Variants in GALK2 observed in about 807,000 individuals in gnomAD.
GALK2 encodes galactokinase 2.
A neutral mutation model predicts 52.4 loss-of-function variants in GALK2; 36 were observed. The observed-to-expected ratio is 0.69, with a 90% CI of 0.53 to 0.91. The LOEUF (loss-of-function observed/expected upper bound fraction) is 0.91, where lower values mean the gene tolerates loss of function less well. Ranked by LOEUF, GALK2 falls within the 40% of genes least tolerant of loss-of-function variation. The probability of loss-of-function intolerance (pLI) is 0.00; values close to 1 mark genes in which losing one functional copy is unlikely to be tolerated. For synonymous variants in GALK2, 176 were observed against 199.1 expected, an observed-to-expected ratio of 0.88 and a Z score of 0.98; for missense variants, 579 against 559.1, an observed-to-expected ratio of 1.04 and a Z score of -0.36.
At position 49,173,423 on chromosome 15, in the gene GALK2, C is replaced by T. The variant is rs2085233783; in HGVS notation, c.53+3048C>T. On this transcript the variant is annotated intron_variant, in intron 1 of 9. Transcript: ENST00000560031. ...TACCAGTTGAGCTAGCAGGGTGACA[C>T]TGAATACATTTTTAATATTAAAAAT... is the stretch of plus-strand genomic sequence containing the variant. Among the ~76,000 whole-genome samples, 3 of 152,126 alleles carry T rather than the reference C, an allele frequency of 2.0e-5. No individual in the cohort carries two copies. In the South Asian group the frequency reaches 6.2e-4, roughly 32 times the overall value.
At chr15:49,340,542 T>C (rs184001451) in intron 3 of GALK2, among the ~76,000 whole-genome samples, 7 of 152,252 alleles carry the variant, frequency 4.6e-5, no homozygotes, top group Admixed American at 1.3e-4. Flanking sequence ...TGCTGGAAGC[T>C]GCAGACCAGC....
At chr15:49,211,286 C>T (rs1021467730) in intron 2 of GALK2, among the ~76,000 whole-genome samples, 1 of 152,200 alleles carries the variant, frequency 6.6e-6, no homozygotes, top group Non-Finnish European at 1.5e-5. Flanking sequence ...GACCTTTACT[C>T]TAGTTCTCAA....
chr15:49,162,129 A>G (rs1293670111), intron 1 of GALK2, among the ~76,000 whole-genome samples: 1 of 152,230 alleles, frequency 6.6e-6, no homozygotes, highest in East Asian at 1.9e-4. Flanking sequence ...GATTCCTTGC[A>G]GAAATTTCTC....
At chr15:49,187,046 G>A (rs981770537) in intron 1 of GALK2, among the ~76,000 whole-genome samples, 1 of 152,216 alleles carries the variant, frequency 6.6e-6, no homozygotes, top group Non-Finnish European at 1.5e-5. Flanking sequence ...AGTCTTTGCA[G>A]TCTGGATTTA....
chr15:49,185,797 TGTCA>T (rs1269575928), intron 1 of GALK2: 1 of 152,232 alleles, frequency 6.6e-6, no homozygotes. Context: ...ATATGTCTGC[TGTCA>T]GTGATAGCAG....
At chr15:49,367,639 G>T in exon 4 of GALK2, 1 of 1,524,380 alleles carries the variant, frequency 6.6e-7, no homozygotes, top group South Asian at 1.3e-5. Flanking sequence ...TCAAGACAAC[G>T]ATTACTTTTG....
At chr15:49,172,361 G>T (rs2085162056) in intron 1 of GALK2, among the ~76,000 whole-genome samples, 1 of 152,112 alleles carries the variant, frequency 6.6e-6, no homozygotes, top group Admixed American at 6.6e-5. Context: ...GATAAGCTCT[G>T]CCGTTTTCTT....
chr15:49,200,322 T>C (rs1457644063), intron 1 of GALK2, among the ~76,000 whole-genome samples: 1 of 152,236 alleles, frequency 6.6e-6, no homozygotes, highest in African/African-American at 2.4e-5. Flanking sequence ...TGTGGTTTCC[T>C]GATACCCAGT....
chr15:49,170,511 G>T (rs574699393), intron 1 of GALK2, 136 bp downstream of exon 1: 15 of 798,024 alleles, frequency 1.9e-5, no homozygotes, highest in African/African-American at 1.6e-4. Context: ...GATTCTATAA[G>T]GACACGTGGC....
chr15:49,297,684 G>A (rs2034604178), intron 8 of GALK2, among the ~76,000 whole-genome samples: 2 of 152,118 alleles, frequency 1.3e-5, no homozygotes, highest in Admixed American at 6.6e-5. Context: ...ATTGAATAGG[G>A]AGTCATTTCT....
chr15:49,297,432 T>G (rs1334204733), intron 8 of GALK2, among the ~76,000 whole-genome samples: 1 of 152,222 alleles, frequency 6.6e-6, no homozygotes, highest in African/African-American at 2.4e-5. Context: ...GCTCTTTAGT[T>G]TATGTCTCAC....
intron 5 of GALK2, among the ~76,000 whole-genome samples, chr15:49,271,082 G>A (rs970453462): frequency 1.3e-5 from 2 of 152,054 alleles, no homozygotes; most frequent in Admixed American, 6.6e-5. Flanking sequence ...TAAGCCTGCC[G>A]CCCATCCATT....
chr15:49,195,778 G>A (rs1406880339), intron 1 of GALK2, among the ~76,000 whole-genome samples: 1 of 151,606 alleles, frequency 6.6e-6, no homozygotes, highest in Non-Finnish European at 1.5e-5. Flanking sequence ...CCAGGGAGAG[G>A]ATTTCTACAT....
chr15:49,192,050 CT>C (rs2086761901), intron 1 of GALK2, among the ~76,000 whole-genome samples: 1 of 151,958 alleles, frequency 6.6e-6, no homozygotes, highest in African/African-American at 2.4e-5. Flanking sequence ...CAATGGGAAC[CT>C]CTTCAGGTGG....
downstream of GALK2, among the ~76,000 whole-genome samples, chr15:49,336,462 C>T (rs535833130): frequency 6.6e-6 from 1 of 152,176 alleles, no homozygotes; most frequent in Non-Finnish European, 1.5e-5. Context: ...ACACTAGGAG[C>T]TCTTAAACCT....
intron 8 of GALK2, among the ~76,000 whole-genome samples, chr15:49,304,109 A>G (rs1346029640): frequency 1.3e-5 from 2 of 152,178 alleles, no homozygotes; most frequent in East Asian, 1.9e-4. Context: ...ATAGGAAAGC[A>G]TCTTCTATAG....
downstream of GALK2, chr15:49,331,908 C>G: frequency 1.1e-6 from 1 of 936,348 alleles, no homozygotes; most frequent in African/African-American, 1.6e-5. Flanking sequence ...TTGACACCAT[C>G]TAAATAGCCA....
intron 5 of GALK2, among the ~76,000 whole-genome samples, chr15:49,241,974 A>T (rs1248236916): frequency 6.6e-6 from 1 of 152,166 alleles, no homozygotes; most frequent in Non-Finnish European, 1.5e-5. Context: ...TCTAAGTTGT[A>T]CTAACAATAT....
rs1259584903 is a variant in GALK2 at position 49,328,955 on chromosome 15, TAAAG to T, written c.*799_*802del. ...TAAGACTCTTCTATTCACATTGAAATAAAGAATTATCTAGATGATAATTCAGATA... is the reference window on the plus strand; with the variant it reads ...TAAGACTCTTCTATTCACATTGAAATAATTATCTAGATGATAATTCAGATA... On this transcript the variant is annotated 3_prime_UTR_variant, in exon 10 of 10. Coordinates refer to ENST00000560031, the MANE Select transcript of GALK2 (RefSeq NM_002044.4). 2.8e-5 allele frequency: 31 copies of T among 1,095,314 alleles called. No homozygotes were observed. Among genetic ancestry groups the T allele is most frequent in the Admixed American group, 9.1e-5 (2 of 22,076 alleles). 67.8% of individuals were successfully genotyped at this position (1,095,314 alleles called of 1,614,324 possible).
Sources: allele counts gnomAD v4.1 joint callset (sites outside exome capture counted in the v4.1 genomes callset), GRCh38; gene constraint gnomAD v4.1.1; transcripts MANE v1.5; gene names NCBI Gene and HGNC (gene_info 2026-07-23, HGNC 2026-07-21).